Variants in MALRD1 observed in about 807,000 individuals in gnomAD.
MALRD1 encodes the protein MAM and LDL receptor class A domain containing 1.
Under a neutral mutation model 242.1 loss-of-function variants are expected in MALRD1, and 247 were observed. That is an observed-to-expected ratio of 1.02 (90% confidence interval 0.92 to 1.13). MALRD1 has a LOEUF of 1.13. MALRD1 is among the 50% of genes most tolerant of loss of function. The probability of loss-of-function intolerance (pLI) is 0.00; values close to 1 mark genes in which losing one functional copy is unlikely to be tolerated. For missense variants in MALRD1, 2,989 were observed against 2,533.1 expected, an observed-to-expected ratio of 1.18 and a Z score of -3.86; for synonymous variants, 995 against 866.6, an observed-to-expected ratio of 1.15 and a Z score of -2.60.
chr10:19,471,491 G>A (rs1327573941), intron 29 of MALRD1, among the ~76,000 whole-genome samples: 1 of 151,546 alleles, frequency 6.6e-6, no homozygotes, highest in African/African-American at 2.4e-5. Context: ...ATTTGGATGT[G>A]GATTGCACTG....
chr10:19,584,675 G>A (rs1236028983), intron 33 of MALRD1, among the ~76,000 whole-genome samples: 1 of 151,688 alleles, frequency 6.6e-6, no homozygotes, highest in Non-Finnish European at 1.5e-5. Context: ...TAGGTGTGGT[G>A]TGGTGCTGAA....
At chr10:19,499,520 A>G (rs1837875684) in intron 31 of MALRD1, among the ~76,000 whole-genome samples, 2 of 151,830 alleles carry the variant, frequency 1.3e-5, no homozygotes, top group South Asian at 4.2e-4. Flanking sequence ...CATCTGCACC[A>G]TGGGCTTTTA....
chr10:19,225,825 T>C lies in MALRD1; in HGVS notation c.2991+16145T>C, dbSNP rs919128023. Among the ~76,000 whole-genome samples the C allele has an allele frequency of 2.6e-5, 4 of 152,200 alleles. No individual in the cohort carries two copies. In the South Asian group the frequency reaches 8.3e-4, roughly 31 times the overall value. ...TAACTACTTGTTTTGACCTCTAAGA[T>C]TTTGCTCTCCTATATTTCTATCCTC... On this transcript the variant is annotated intron_variant, in intron 18 of 39. Transcript: ENST00000454679.
chr10:19,617,226 A>T (rs1839197416), intron 36 of MALRD1, among the ~76,000 whole-genome samples: 2 of 152,060 alleles, frequency 1.3e-5, no homozygotes, highest in South Asian at 2.1e-4. Context: ...TTGAAAAATT[A>T]AAATCCAGAT....
intron 19 of MALRD1, among the ~76,000 whole-genome samples, chr10:19,260,741 C>A (rs1007546816): frequency 5.3e-5 from 8 of 152,042 alleles, no homozygotes; most frequent in African/African-American, 9.7e-5. Flanking sequence ...GGATTAATGC[C>A]TTTATTATAC....
chr10:19,432,208 A>C (rs894926287), intron 28 of MALRD1, among the ~76,000 whole-genome samples: 4 of 152,162 alleles, frequency 2.6e-5, no homozygotes, highest in Non-Finnish European at 5.9e-5. Flanking sequence ...ATTGTCTGTT[A>C]TAGACAATGC....
intron 38 of MALRD1, among the ~76,000 whole-genome samples, chr10:19,718,943 G>T (rs530371482): frequency 1.3e-5 from 2 of 151,462 alleles, no homozygotes; most frequent in East Asian, 2.0e-4. Flanking sequence ...AAGGCAGGAG[G>T]ATTGCTTGAG....
chr10:19,136,634 G>GTGA lies in MALRD1; in HGVS notation c.1265_1266insGAT (p.Val422_Tyr423insIle). On this transcript the variant is annotated inframe_insertion, in exon 10 of 40. Coordinates refer to ENST00000454679, the MANE Select transcript of MALRD1 (RefSeq NM_001142308.3). ...TTTTATTGCCCTTGATCACCTCTGGGTCTATGCCTGTGGACAGACCCAATC... is the reference window on the plus strand; with the variant it reads ...TTTTATTGCCCTTGATCACCTCTGGGTGATCTATGCCTGTGGACAGACCCAATC... The GTGA allele has an allele frequency of 8.1e-7, 1 of 1,231,600 alleles. No homozygotes were observed. The highest frequency in any genetic ancestry group is 1.0e-6 in the Non-Finnish European group (1 of 987,948). The allele number at this position is 1,231,600 out of a possible 1,614,324, so 76.3% of individuals were successfully genotyped here. A position where few individuals can be genotyped will look rare whatever the true frequency, so the allele number is the denominator to read the frequency against.
intron 29 of MALRD1, among the ~76,000 whole-genome samples, chr10:19,452,666 A>T (rs1835393955): frequency 6.6e-6 from 1 of 152,226 alleles, no homozygotes; most frequent in Admixed American, 6.5e-5. Context: ...CTTTTTAATC[A>T]TCTTAGTGTT....
chr10:19,117,891 C>T (rs1836927273), intron 5 of MALRD1, among the ~76,000 whole-genome samples: 2 of 152,284 alleles, frequency 1.3e-5, no homozygotes, highest in South Asian at 2.1e-4. Flanking sequence ...AACAAGTATA[C>T]ATTGAGCACC....
intron 11 of MALRD1, among the ~76,000 whole-genome samples, chr10:19,154,283 A>G (rs77782988): frequency 0.011 from 1,671 of 152,264 alleles, 29 homozygotes; most frequent in African/African-American, 0.038. Flanking sequence ...CTAATTCTAA[A>G]TCCTTTCCTT....
chr10:19,347,831 A>G lies in MALRD1; in HGVS notation c.3962A>G (p.Asp1321Gly). 2 of 1,550,502 alleles carry G rather than the reference A, an allele frequency of 1.3e-6. No individual in the cohort carries two copies. Among genetic ancestry groups the G allele is most frequent in the Non-Finnish European group, 1.7e-6 (2 of 1,146,848 alleles). Reference protein sequence around the residue: ...FDLCSWKQEKDEDFDWNLKAS... With the variant: ...FDLCSWKQEKGEDFDWNLKAS... ...CTTTGTTCCTGGAAGCAGGAGAAAG[A>G]TGAGGACTTTGACTGGAACCTGAAA... Residue 1321 changes from aspartate (D) to glycine (G), a missense_variant, in exon 25 of 40, where the codon GAT becomes GGT. Coordinates refer to ENST00000454679, the MANE Select transcript of MALRD1 (RefSeq NM_001142308.3).
chr10:19,309,261 C>G (rs1327831944), intron 21 of MALRD1, among the ~76,000 whole-genome samples: 2 of 151,410 alleles, frequency 1.3e-5, no homozygotes, highest in African/African-American at 4.8e-5. Context: ...AATGTGGTGC[C>G]TTTACCTTTT....
At chr10:19,068,027 T>C (rs1275090647) in intron 2 of MALRD1, among the ~76,000 whole-genome samples, 1 of 152,156 alleles carries the variant, frequency 6.6e-6, no homozygotes, top group East Asian at 1.9e-4. Flanking sequence ...AGGAAACTTT[T>C]ATTACAGATT....
At chr10:19,308,745 A>G (rs2131982884) in intron 21 of MALRD1, among the ~76,000 whole-genome samples, 1 of 151,672 alleles carries the variant, frequency 6.6e-6, no homozygotes, top group South Asian at 2.1e-4. Context: ...CCCATTAGAG[A>G]AAAAGTGTGC....
intron 38 of MALRD1, chr10:19,711,114 A>T (rs1164506519): frequency 6.6e-6 from 1 of 152,160 alleles, no homozygotes; most frequent in African/African-American, 2.4e-5. Flanking sequence ...TTTGTTTAAT[A>T]ATTGCTTTCT....
intron 18 of MALRD1, among the ~76,000 whole-genome samples, chr10:19,217,451 T>A (rs966445709): frequency 1.3e-5 from 2 of 151,554 alleles, no homozygotes; most frequent in African/African-American, 2.4e-5. Context: ...TCCTGAAGCT[T>A]ATACTCACTG....
intron 33 of MALRD1, among the ~76,000 whole-genome samples, chr10:19,585,044 C>G (rs1427351162): frequency 8.0e-6 from 1 of 124,378 alleles, no homozygotes; most frequent in Non-Finnish European, 1.8e-5. Flanking sequence ...ACTAGGATTG[C>G]AACCCCTGCC....
At chr10:19,574,878 G>A (rs1181360016) in intron 33 of MALRD1, among the ~76,000 whole-genome samples, 1 of 152,184 alleles carries the variant, frequency 6.6e-6, no homozygotes, top group Non-Finnish European at 1.5e-5. Flanking sequence ...CGAGGTAAAA[G>A]TAGAAATGTC....
Sources: allele counts gnomAD v4.1 joint callset (sites outside exome capture counted in the v4.1 genomes callset), GRCh38; gene constraint gnomAD v4.1.1; transcripts MANE v1.5; gene names NCBI Gene and HGNC (gene_info 2026-07-23, HGNC 2026-07-21).